RGS7: variants seen among roughly 807,000 people sequenced by gnomAD.
The protein encoded by RGS7 is regulator of G-protein signaling 7.
A neutral mutation model predicts 81.1 loss-of-function variants in RGS7; 27 were observed. The observed-to-expected ratio is 0.33, with a 90% CI of 0.25 to 0.46. RGS7 has a LOEUF of 0.46. Ranked by LOEUF, RGS7 falls within the 20% of genes least tolerant of loss-of-function variation. The probability of loss-of-function intolerance (pLI) is 1.00; values close to 1 mark genes in which losing one functional copy is unlikely to be tolerated. For missense variants in RGS7, 396 were observed against 607.4 expected (o/e 0.65, Z 3.66); for synonymous variants, 208 against 207.7 (o/e 1.00, Z -0.01).
At chr1:240,877,774 A>G (rs1665693866) in intron 6 of RGS7, among the ~76,000 whole-genome samples, 1 of 152,196 alleles carries the variant, frequency 6.6e-6, no homozygotes, top group South Asian at 2.1e-4. Context: ...TGAAATTGCC[A>G]GTTTCCTGAA....
Position 240,850,392 on chromosome 1 carries a change from C to T in RGS7, c.609+18195G>A, listed in dbSNP as rs200676311. 9.9e-5 allele frequency among the ~76,000 whole-genome samples: 15 copies of T among 152,232 alleles called. No homozygotes were observed. In the East Asian group the frequency reaches 1.2e-3, roughly 12 times the overall value. On this transcript the variant is annotated intron_variant, in intron 9 of 18. Coordinates refer to ENST00000440928, the MANE Select transcript of RGS7 (RefSeq NM_001364886.1). ...GATCAGTGATGCTTGATGTTATTGT[C>T]GTGATCGTTTTGGGATGCCACAGGC...
At chr1:241,260,996 A>C (rs1256398512) in intron 2 of RGS7, among the ~76,000 whole-genome samples, 2 of 151,848 alleles carry the variant, frequency 1.3e-5, no homozygotes, top group Non-Finnish European at 2.9e-5. Context: ...TGGGTGCAGC[A>C]CACCAGCATG....
intron 1 of RGS7, 42 bp from the exon 2 acceptor site, chr1:241,355,868 C>T: frequency 9.7e-7 from 1 of 1,026,810 alleles, no homozygotes; most frequent in Non-Finnish European, 1.5e-6. Context: ...CCCAGTGGGA[C>T]TCCCCTGATT....
intron 2 of RGS7, among the ~76,000 whole-genome samples, chr1:241,116,493 CTGT>C (rs1267712340): frequency 6.6e-6 from 1 of 152,114 alleles, no homozygotes; most frequent in East Asian, 1.9e-4. Context: ...TCCCTTAATG[CTGT>C]GGATACCTGT....
intron 3 of RGS7, among the ~76,000 whole-genome samples, chr1:241,088,867 C>G (rs981751802): frequency 2.0e-5 from 3 of 150,738 alleles, no homozygotes; most frequent in Admixed American, 2.0e-4. Flanking sequence ...AAAAATTAGC[C>G]GGGCGTGGTG....
intron 2 of RGS7, among the ~76,000 whole-genome samples, chr1:241,110,133 C>A (rs968174880): frequency 6.6e-6 from 1 of 152,174 alleles, no homozygotes; most frequent in Non-Finnish European, 1.5e-5. Context: ...TGACTTTCAA[C>A]AACTAAACTA....
At chr1:241,142,593 A>G (rs955857216) in intron 2 of RGS7, among the ~76,000 whole-genome samples, 10 of 152,130 alleles carry the variant, frequency 6.6e-5, no homozygotes, top group Non-Finnish European at 1.2e-4. Context: ...AGTGGCTGGG[A>G]TGAAGGACAA....
rs991510022 is a variant in RGS7, at chr1:240,959,841, C to A, written c.227-23135G>T. The stretch of plus-strand genomic sequence containing the variant: ...GTCCATATTTTAAAATACAAGTTCA[C>A]GCTTAAATACATTTGGAGTGAAAAA... On this transcript the variant is annotated intron_variant, in intron 4 of 18. Coordinates refer to ENST00000440928, the MANE Select transcript of RGS7 (RefSeq NM_001364886.1). Among the ~76,000 whole-genome samples, 4 of 152,194 alleles carry A rather than the reference C, an allele frequency of 2.6e-5. 1 individual carries two copies. The South Asian group carries it at 6.2e-4, about 24-fold the overall frequency.
At chr1:241,282,043 C>T (rs183249959) in intron 2 of RGS7, among the ~76,000 whole-genome samples, 31 of 152,258 alleles carry the variant, frequency 2.0e-4, no homozygotes, top group East Asian at 5.8e-4. Context: ...TCTGTTACAT[C>T]GATAAATTAT....
intron 3 of RGS7, among the ~76,000 whole-genome samples, 196 bp from the exon 4 acceptor site, chr1:240,983,325 AG>A (rs1206342847): frequency 2.0e-5 from 3 of 152,228 alleles, no homozygotes; most frequent in Non-Finnish European, 4.4e-5. Flanking sequence ...CAATAAACCA[AG>A]GTGTAAACTA....
chr1:240,829,136 G>A (rs1693366347), intron 9 of RGS7, among the ~76,000 whole-genome samples: 1 of 152,020 alleles, frequency 6.6e-6, no homozygotes, highest in Non-Finnish European at 1.5e-5. Context: ...AAGTAAATGA[G>A]GAAAACATTT....
At chr1:241,179,645 G>C (rs953984413) in intron 2 of RGS7, among the ~76,000 whole-genome samples, 3 of 152,266 alleles carry the variant, frequency 2.0e-5, no homozygotes, top group African/African-American at 7.2e-5. Context: ...GTGACCTACA[G>C]TTTCCCTCTG....
chr1:241,246,603 C>T (rs891800945), intron 2 of RGS7, among the ~76,000 whole-genome samples: 15 of 152,044 alleles, frequency 9.9e-5, no homozygotes, highest in Admixed American at 9.8e-4. Flanking sequence ...CTCTGGATTT[C>T]GATTGAGTAC....
Position 241,167,513 on chromosome 1 carries a change from GTCC to G in RGS7, c.79-68754_79-68752del, listed in dbSNP as rs577143120. Among the ~76,000 whole-genome samples, 60 of 151,830 alleles carry G rather than the reference GTCC, an allele frequency of 4.0e-4. No homozygotes were observed. In the East Asian group the frequency reaches 0.011, roughly 28 times the overall value. ...TCCACAGGGACAGCTGTACTCTTTG[GTCC>G]TCCTCTTTTTTTTTTTTTCTTGAGA... is the stretch of plus-strand genomic sequence containing the variant. On this transcript the variant is annotated intron_variant, in intron 2 of 18. Transcript: ENST00000440928.
At chr1:241,235,673 TC>T (rs879817792) in intron 2 of RGS7, among the ~76,000 whole-genome samples, 38,361 of 141,702 alleles carry the variant, frequency 0.27, 4,736 homozygotes, top group South Asian at 0.36. Context: ...TCTTTCTCTC[TC>T]TCTTTCTTTC....
intron 2 of RGS7, among the ~76,000 whole-genome samples, chr1:241,162,025 T>C (rs1453645306): frequency 3.3e-5 from 5 of 152,118 alleles, no homozygotes; most frequent in Non-Finnish European, 5.9e-5. Context: ...CCAACTGTTC[T>C]ATTGTTAAAG....
chr1:241,131,709 C>T (rs2067115759), intron 2 of RGS7, among the ~76,000 whole-genome samples: 2 of 152,124 alleles, frequency 1.3e-5, no homozygotes, highest in Admixed American at 1.3e-4. Flanking sequence ...TTCCTTTTTA[C>T]TATTCTAAAT....
At chr1:240,785,023 T>C (rs1558246084) in intron 18 of RGS7, among the ~76,000 whole-genome samples, 1 of 152,206 alleles carries the variant, frequency 6.6e-6, no homozygotes, top group Non-Finnish European at 1.5e-5. Context: ...TTTATTATTT[T>C]ACTCTCATGT....
chr1:241,091,748 G>A (rs1382760490), intron 3 of RGS7, among the ~76,000 whole-genome samples: 1 of 151,758 alleles, frequency 6.6e-6, no homozygotes, highest in African/African-American at 2.4e-5. Context: ...TTAGCCAGAT[G>A]TGTTGGTGCA....
Sources: allele counts gnomAD v4.1 joint callset (sites outside exome capture counted in the v4.1 genomes callset), GRCh38; gene constraint gnomAD v4.1.1; transcripts MANE v1.5; gene names NCBI Gene and HGNC (gene_info 2026-07-23, HGNC 2026-07-21).